TNFSF4: variants seen among roughly 807,000 people sequenced by gnomAD.
TNFSF4 encodes the protein TNF superfamily member 4.
Under a neutral mutation model 7.3 loss-of-function variants are expected in TNFSF4, and 4 were observed. The ratio of observed to expected loss-of-function variants is 0.55; its 90% confidence interval spans 0.27 to 1.25. The LOEUF is 1.25. Among genes scored for constraint, TNFSF4 ranks in the 50% most tolerant of loss-of-function variants. TNFSF4 has a pLI of 0.12. For missense variants in TNFSF4, 181 were observed against 208.8 expected, an observed-to-expected ratio of 0.87 and a Z score of 0.82; for synonymous variants, 76 against 83.7, an observed-to-expected ratio of 0.91 and a Z score of 0.50.
chr1:173,364,768 A>G, the TNFSF4 span, among the ~76,000 whole-genome samples: 311 of 152,294 alleles, frequency 2.0e-3, no homozygotes, highest in African/African-American at 6.1e-3. Flanking sequence ...TCACATCACT[A>G]TTATACCACT....
chr1:173,388,085 C>A, the TNFSF4 span, among the ~76,000 whole-genome samples: 106,863 of 152,110 alleles, frequency 0.7, 37,691 homozygotes, highest in African/African-American at 0.78. Flanking sequence ...GAAAAGATTA[C>A]ATAAGAGAAA....
At chr1:173,206,520 C>T (rs1650196700) in intron 1 of TNFSF4, among the ~76,000 whole-genome samples, 1 of 152,184 alleles carries the variant, frequency 6.6e-6, no homozygotes, top group African/African-American at 2.4e-5. Flanking sequence ...CATAGGCACA[C>T]ACACATGCAC....
chr1:173,256,114 A>T, the TNFSF4 span, among the ~76,000 whole-genome samples: 2 of 152,250 alleles, frequency 1.3e-5, no homozygotes, highest in Non-Finnish European at 2.9e-5. Context: ...CCATAAACAT[A>T]TCAATGAAGA....
At chr1:173,272,050 G>A in the TNFSF4 span, among the ~76,000 whole-genome samples, 3 of 152,038 alleles carry the variant, frequency 2.0e-5, no homozygotes, top group Non-Finnish European at 2.9e-5. Flanking sequence ...CTTTGTAGGA[G>A]CACAGATGAA....
the TNFSF4 span, among the ~76,000 whole-genome samples, chr1:173,328,067 C>A: frequency 6.6e-6 from 1 of 151,992 alleles, no homozygotes; most frequent in Non-Finnish European, 1.5e-5. Context: ...ATGGTTATTG[C>A]GGCACTATTC....
chr1:173,202,426 C>T (rs1381020414), intron 1 of TNFSF4, among the ~76,000 whole-genome samples: 3 of 152,154 alleles, frequency 2.0e-5, no homozygotes, highest in African/African-American at 7.2e-5. Context: ...TTAGCTGCCC[C>T]TGATATTGTT....
chr1:173,188,207 AAAG>A (rs1348160196), intron 2 of TNFSF4, among the ~76,000 whole-genome samples: 12 of 152,238 alleles, frequency 7.9e-5, no homozygotes, highest in African/African-American at 2.9e-4. Context: ...TGTAAGAAGT[AAAG>A]CCTTAGTTTC....
chr1:173,410,090 C>T, the TNFSF4 span, among the ~76,000 whole-genome samples: 2 of 151,902 alleles, frequency 1.3e-5, no homozygotes, highest in African/African-American at 4.8e-5. Flanking sequence ...CATAGTGAGA[C>T]CTCATCTCTA....
chr1:173,244,063 G>A, the TNFSF4 span, among the ~76,000 whole-genome samples: 2 of 152,056 alleles, frequency 1.3e-5, no homozygotes, highest in Admixed American at 1.3e-4. Flanking sequence ...GTAAATACTT[G>A]CATATTGATG....
At chr1:173,241,770 C>T in the TNFSF4 span, among the ~76,000 whole-genome samples, 14 of 152,156 alleles carry the variant, frequency 9.2e-5, no homozygotes, top group Non-Finnish European at 1.6e-4. Flanking sequence ...AATGGGGTGA[C>T]CCTTGTTTCC....
chr1:173,312,653 C>G, the TNFSF4 span, among the ~76,000 whole-genome samples: 1 of 152,100 alleles, frequency 6.6e-6, no homozygotes, highest in South Asian at 2.1e-4. Flanking sequence ...CAGTCCCTCT[C>G]CCCCAGGCTC....
At chr1:173,378,707 C>T in the TNFSF4 span, among the ~76,000 whole-genome samples, 1 of 152,152 alleles carries the variant, frequency 6.6e-6, no homozygotes, top group Non-Finnish European at 1.5e-5. Flanking sequence ...AGGGAGAATA[C>T]ACAACTATGC....
At chr1:173,386,854 T>C in the TNFSF4 span, among the ~76,000 whole-genome samples, 2 of 152,240 alleles carry the variant, frequency 1.3e-5, no homozygotes, top group Non-Finnish European at 2.9e-5. Flanking sequence ...GATTTAATGT[T>C]GTTTGTCTTA....
chr1:173,236,711 T>C, the TNFSF4 span, among the ~76,000 whole-genome samples: 2 of 152,048 alleles, frequency 1.3e-5, no homozygotes, highest in African/African-American at 4.8e-5. Flanking sequence ...GAGGACATAA[T>C]ATTAAGTGAA....
chr1:173,353,512 A>G, the TNFSF4 span, among the ~76,000 whole-genome samples: 12 of 152,196 alleles, frequency 7.9e-5, no homozygotes, highest in Non-Finnish European at 1.5e-5. Context: ...TCAGCCACTC[A>G]TGATCTCATT....
chr1:173,254,099 C>T, the TNFSF4 span, among the ~76,000 whole-genome samples: 4 of 152,122 alleles, frequency 2.6e-5, no homozygotes, highest in East Asian at 7.7e-4. Context: ...GCAAAGGTAG[C>T]CATCAGTCAA....
the TNFSF4 span, among the ~76,000 whole-genome samples, chr1:173,243,891 A>T: frequency 2.6e-5 from 4 of 152,156 alleles, no homozygotes; most frequent in Non-Finnish European, 4.4e-5. Context: ...CTTCACAACC[A>T]TTTTAATCAT....
At chr1:173,288,239 T>C in the TNFSF4 span, among the ~76,000 whole-genome samples, 1 of 151,986 alleles carries the variant, frequency 6.6e-6, no homozygotes, top group Non-Finnish European at 1.5e-5. Flanking sequence ...GATTGCTTGA[T>C]CTCAGGAGTT....
chr1:173,188,873 T>G (rs1364776505), intron 1 of TNFSF4, among the ~76,000 whole-genome samples: 1 of 151,974 alleles, frequency 6.6e-6, no homozygotes, highest in Non-Finnish European at 1.5e-5. Context: ...CCACCACACC[T>G]GATTAATTTT....
Sources: allele counts gnomAD v4.1 joint callset (sites outside exome capture counted in the v4.1 genomes callset), GRCh38; gene constraint gnomAD v4.1.1; transcripts MANE v1.5; gene names NCBI Gene and HGNC (gene_info 2026-07-23, HGNC 2026-07-21).